The following NUP98 variants were observed in gnomAD, a reference collection of about 807,000 sequenced individuals.
NUP98 encodes the protein nucleoporin 98 and 96 precursor.
Under a neutral mutation model 191.9 loss-of-function variants are expected in NUP98, and 26 were observed. The observed-to-expected ratio is 0.14, with a 90% confidence interval of 0.10 to 0.19. The LOEUF is 0.19. NUP98 is among the 10% of genes least tolerant of loss of function. NUP98 has a pLI of 1.00. For missense variants in NUP98, 1,941 were observed against 2,178.8 expected (o/e 0.89, Z 2.17); for synonymous variants, 808 against 778.4 (o/e 1.04, Z -0.63).
chr11:3,762,691 G>T (rs1346563565), intron 9 of NUP98, among the ~76,000 whole-genome samples: 1 of 152,142 alleles, frequency 6.6e-6, no homozygotes, highest in Non-Finnish European at 1.5e-5. Context: ...TTTTAAAAGG[G>T]AAAGAATTTA....
rs78746927 is a variant in NUP98, at chr11:3,739,038, A to T, written c.1409-3714T>A. On this transcript the variant is annotated intron_variant, in intron 12 of 32. Coordinates refer to ENST00000324932, the MANE Select transcript of NUP98 (RefSeq NM_016320.5). ...AAGATTCCGTGGTATAAAGATGTACATTCTAAAAGTAAATACAATTACCTT... is the reference window on the plus strand; with the variant it reads ...AAGATTCCGTGGTATAAAGATGTACTTTCTAAAAGTAAATACAATTACCTT... Among the ~76,000 whole-genome samples, 19 of 152,298 alleles carry T rather than the reference A, an allele frequency of 1.2e-4. No individual in the cohort carries two copies. The East Asian group carries it at 3.7e-3, about 29-fold the overall frequency.
At chr11:3,746,067 C>A (rs2080479269) in intron 11 of NUP98, among the ~76,000 whole-genome samples, 1 of 151,804 alleles carries the variant, frequency 6.6e-6, no homozygotes. Flanking sequence ...GTTAGGAGTT[C>A]AAGACCAGCC....
rs565467095 is a variant in NUP98 at position 3,684,660 on chromosome 11, G to A, written c.4677-1219C>T. On this transcript the variant is annotated intron_variant, in intron 29 of 32. Coordinates refer to ENST00000324932, the MANE Select transcript of NUP98 (RefSeq NM_016320.5). The stretch of plus-strand genomic sequence containing the variant: ...GAAAGAGAAACTGCTTAAAGAAAGA[G>A]AAATTGCTTAAGTCTTAATAAGACT... 8.1e-5 allele frequency among the ~76,000 whole-genome samples: 12 copies of A among 148,780 alleles called. No individual in the cohort carries two copies. The South Asian group carries it at 2.5e-3, about 31-fold the overall frequency.
intron 10 of NUP98, chr11:3,760,224 A>T (rs1401697349): frequency 5.5e-6 from 2 of 365,290 alleles, no homozygotes; most frequent in Non-Finnish European, 9.9e-6. Flanking sequence ...CTGGCCTCAT[A>T]CAATGTGTTA....
At chr11:3,689,952 T>G (rs1439777795) in intron 28 of NUP98, among the ~76,000 whole-genome samples, 1 of 145,876 alleles carries the variant, frequency 6.9e-6, no homozygotes, top group Non-Finnish European at 1.5e-5. Context: ...TTTTTTTTTT[T>G]TTTTTTTTTT....
At position 3,679,567 on chromosome 11, in the gene NUP98, C is replaced by T. The variant is rs146194229; in HGVS notation, c.5060G>A (p.Arg1687His). ...LDYIRVIEMLRHIQQVDCSGN... is the reference protein window; with the variant it reads ...LDYIRVIEMLHHIQQVDCSGN... ...GATCTCAGGTACCTGCTGTATATGG[C>T]GGAGCATTTCAATGACTCTAATATA... is the stretch of plus-strand genomic sequence containing the variant. The change falls in exon 31 of 33, where the codon CGC becomes CAC. Residue 1687 changes from arginine to histidine, a missense_variant. Coordinates refer to ENST00000324932, the MANE Select transcript of NUP98 (RefSeq NM_016320.5). 1.0e-4 allele frequency: 162 copies of T among 1,613,986 alleles called. No individual in the cohort carries two copies. Among genetic ancestry groups the T allele is most frequent in the Middle Eastern group, 3.3e-4 (2 of 6,084 alleles).
chr11:3,718,419 C>T (rs1256454305), intron 18 of NUP98, among the ~76,000 whole-genome samples: 1 of 151,938 alleles, frequency 6.6e-6, no homozygotes, highest in Non-Finnish European at 1.5e-5. Context: ...ACCTATAATC[C>T]CAGCTACTCT....
intron 14 of NUP98, among the ~76,000 whole-genome samples, chr11:3,726,146 A>G (rs954720261): frequency 2.6e-5 from 4 of 152,188 alleles, no homozygotes; most frequent in African/African-American, 9.7e-5. Context: ...AGGAACTCTC[A>G]AATTTCTAAG....
chr11:3,726,381 G>A (rs185040886), intron 14 of NUP98, among the ~76,000 whole-genome samples: 18 of 151,038 alleles, frequency 1.2e-4, no homozygotes, highest in African/African-American at 7.3e-5. Flanking sequence ...TCACAGGAGC[G>A]AGAACATCAA....
intron 1 of NUP98, among the ~76,000 whole-genome samples, chr11:3,792,985 C>T (rs2082405912): frequency 6.6e-6 from 1 of 152,104 alleles, no homozygotes; most frequent in African/African-American, 2.4e-5. Flanking sequence ...GTGATGTGCA[C>T]CTGTAGTCCC....
At chr11:3,731,931 T>C (rs1466562308) in intron 13 of NUP98, among the ~76,000 whole-genome samples, 1 of 152,324 alleles carries the variant, frequency 6.6e-6, no homozygotes, top group South Asian at 2.1e-4. Context: ...TTTTGGAGCA[T>C]TTTGGATTTT....
chr11:3,736,036 G>A (rs2080042427), intron 12 of NUP98, among the ~76,000 whole-genome samples: 1 of 146,396 alleles, frequency 6.8e-6, no homozygotes, highest in South Asian at 2.2e-4. Context: ...CAAGTAGCTG[G>A]GACTACAGGG....
At chr11:3,776,796 T>C (rs541663919) in intron 4 of NUP98, among the ~76,000 whole-genome samples, 2 of 146 alleles carry the variant, frequency 0.014, no homozygotes, top group East Asian at 0.25. Context: ...CCGGCCCAAA[T>C]AGAAATTCAT....
chr11:3,686,445 CG>C (rs1162854998), intron 28 of NUP98, among the ~76,000 whole-genome samples: 1 of 152,168 alleles, frequency 6.6e-6, no homozygotes, highest in Non-Finnish European at 1.5e-5. Flanking sequence ...AATGGTTTGG[CG>C]TATGTATTTT....
rs543787482 is a variant in NUP98 at position 3,681,229 on chromosome 11, T to C, written c.4919-1521A>G. Among the ~76,000 whole-genome samples the C allele has an allele frequency of 7.2e-5, 11 of 152,164 alleles. No homozygotes were observed. The South Asian group carries it at 1.0e-3, about 14-fold the overall frequency. ...CTAATTTTTGTATTTTTTGTAGAGA[T>C]TGGGTTTCACCATGTTGCCCAGGCT... is the stretch of plus-strand genomic sequence containing the variant. On this transcript the variant is annotated intron_variant, in intron 30 of 32. Coordinates refer to ENST00000324932, the MANE Select transcript of NUP98 (RefSeq NM_016320.5).
At chr11:3,698,613 G>A (rs528751355) in intron 25 of NUP98, among the ~76,000 whole-genome samples, 4 of 150,716 alleles carry the variant, frequency 2.7e-5, no homozygotes, top group African/African-American at 9.8e-5. Flanking sequence ...TGTAATCTCA[G>A]CTACTTGGGA....
chr11:3,698,067 A>G (rs2078566796), intron 25 of NUP98, among the ~76,000 whole-genome samples: 2 of 152,204 alleles, frequency 1.3e-5, no homozygotes, highest in East Asian at 1.9e-4. Context: ...CTCAATGTGA[A>G]GGAAGAAATT....
chr11:3,705,919 G>A (rs572527173), intron 21 of NUP98, among the ~76,000 whole-genome samples: 1 of 150,952 alleles, frequency 6.6e-6, no homozygotes, highest in Non-Finnish European at 1.5e-5. Context: ...GAAGGCCAAC[G>A]CGGGCAGATC....
rs768546365 is a variant in NUP98, at chr11:3,771,947, T to G, written c.604-19A>C. 1.9e-6 allele frequency: 3 copies of G among 1,604,700 alleles called. No individual in the cohort carries two copies. Among genetic ancestry groups the G allele is most frequent in the Admixed American group, 1.7e-5 (1 of 59,506 alleles). ...GAAGTTCCTGAAGGGAGGGAAAACA[T>G]ATTTCTAATCTTAACATGCAGCTAA... On this transcript the variant is annotated intron_variant, in intron 6 of 32. Coordinates refer to ENST00000324932, the MANE Select transcript of NUP98 (RefSeq NM_016320.5).
Sources: gnomAD v4.1 joint callset for allele counts (sites outside exome capture counted in the v4.1 genomes callset) on GRCh38, gnomAD v4.1.1 for gene constraint, MANE v1.5 for transcripts, NCBI Gene and HGNC (gene_info 2026-07-23, HGNC 2026-07-21) for gene names.